ANGPTL3: variants seen among roughly 807,000 people sequenced by gnomAD.
ANGPTL3 encodes angiopoietin like 3.
ANGPTL3 carries 51 observed loss-of-function variants against 52.7 expected under a neutral mutation model. The ratio of observed to expected loss-of-function variants is 0.97; its 90% CI spans 0.77 to 1.22. ANGPTL3 has a LOEUF of 1.22. Ranked by LOEUF, ANGPTL3 falls within the 50% of genes most tolerant of loss-of-function variation. The pLI, the probability that ANGPTL3 is intolerant of heterozygous loss-of-function variation, is 0.00. For synonymous variants in ANGPTL3, 185 were observed against 179.8 expected (o/e 1.03, Z -0.23); for missense variants, 506 against 520.7 (o/e 0.97, Z 0.27).
chr1:62,602,512 T>G, intron 5 of ANGPTL3, 132 bp downstream of exon 5: 1 of 744,984 alleles, frequency 1.3e-6, no homozygotes, highest in East Asian at 2.6e-5. Context: ...TAATTTATTA[T>G]CAAACAATTA....
In ANGPTL3 at chr1:62,601,195, T is replaced by C. The variant is rs1459849867; in HGVS notation, c.720T>C (p.Asp240=). Residue 240 remains aspartate, a splice_region_variant and synonymous_variant, in exon 3 of 7, where the codon GAT becomes GAC. Transcript: ENST00000371129. The stretch of plus-strand genomic sequence containing the variant: ...ATGAAATAAGAAATGTAAAACATGA[T>C]GGTAAGACACTTTGGTGGGTTTCCT... ...QLNEIRNVKH[D]GIPAECTTIY... 1 of 1,581,640 alleles carries C rather than the reference T, an allele frequency of 6.3e-7. No individual in the cohort carries two copies. Among genetic ancestry groups the C allele is most frequent in the Non-Finnish European group, 8.7e-7 (1 of 1,151,434 alleles).
At chr1:62,600,292 A>G (rs1050606908) in intron 2 of ANGPTL3, among the ~76,000 whole-genome samples, 28 of 151,960 alleles carry the variant, frequency 1.8e-4, no homozygotes, top group African/African-American at 6.7e-4. Flanking sequence ...TAAATTAAAA[A>G]AACAAAACTC....
In ANGPTL3 at chr1:62,600,855, T is replaced by C. The variant is rs184325821; in HGVS notation, c.607-227T>C. Among the ~76,000 whole-genome samples the C allele has an allele frequency of 1.8e-4, 28 of 151,952 alleles. No homozygotes were observed. In the East Asian group the frequency reaches 5.0e-3, roughly 27 times the overall value. The stretch of plus-strand genomic sequence containing the variant: ...GCTCTGTTTTCCGACCAATGTCTGC[T>C]TTTTTGCCTTGCTTTATTTTTTTAT... On this transcript the variant is annotated intron_variant, in intron 2 of 6. Coordinates refer to ENST00000371129, the MANE Select transcript of ANGPTL3 (RefSeq NM_014495.4).
At chr1:62,599,058 A>G (rs533319690) in intron 2 of ANGPTL3, among the ~76,000 whole-genome samples, 1 of 152,202 alleles carries the variant, frequency 6.6e-6, no homozygotes, top group South Asian at 2.1e-4. Context: ...CAAAGATAAT[A>G]ACAGAACTTA....
chr1:62,598,877 T>C, intron 2 of ANGPTL3, 71 bp downstream of exon 2: 2 of 910,918 alleles, frequency 2.2e-6, no homozygotes, highest in South Asian at 1.4e-5. Flanking sequence ...CCTAAAATTA[T>C]TTACAAGCTT....
rs1451076793 is a variant in ANGPTL3, at chr1:62,605,558, T to C, written c.*741T>C. The C allele has an allele frequency of 2.0e-5, 3 of 152,432 alleles. No individual in the cohort carries two copies. The Admixed American group carries it at 2.0e-4, about 10-fold the overall frequency. The allele number at this position is 152,432 out of a possible 1,614,324, so 9.4% of individuals were successfully genotyped here. On this transcript the variant is annotated 3_prime_UTR_variant, in exon 7 of 7. Transcript: ENST00000371129. ...TTTTATATATTTTAACACTTAATACTATGAAAACAAATAATTGTAAAGGAA... is the reference window on the plus strand; with the variant it reads ...TTTTATATATTTTAACACTTAATACCATGAAAACAAATAATTGTAAAGGAA...
Position 62,597,683 on chromosome 1 carries a change from G to A in ANGPTL3, c.117G>A (p.Met39Ile), listed in dbSNP as rs1235689920. 6.2e-7 allele frequency: 1 copy of A among 1,613,530 alleles called. No individual in the cohort carries two copies. The highest frequency in any genetic ancestry group is 1.1e-5 in the South Asian group (1 of 91,058). ...LSPEPKSRFA[M>I]LDDVKILANG... The stretch of plus-strand genomic sequence containing the variant: ...CAGAGCCAAAATCAAGATTTGCTAT[G>A]TTAGACGATGTAAAAATTTTAGCCA... The change falls in exon 1 of 7, where the codon ATG becomes ATA. Residue 39 changes from methionine (M) to isoleucine (I), a missense_variant. Transcript: ENST00000371129.
chr1:62,597,849 GAAGA>G lies in ANGPTL3; in HGVS notation c.286_289del (p.Glu96ArgfsTer3). 6.2e-7 allele frequency: 1 copy of G among 1,603,830 alleles called. No homozygotes were observed. On this transcript the variant is annotated frameshift_variant, in exon 1 of 7. Transcript: ENST00000371129. LOFTEE classifies it high-confidence loss of function. Reference sequence around the variant, plus strand: ...GCTGCAAACCAGTGAAATCAAAGAAGAAGAAAAGGAACTGAGAAGAACTACATAT... The same window carrying G: ...GCTGCAAACCAGTGAAATCAAAGAAGAAAGGAACTGAGAAGAACTACATAT...
Position 62,604,021 on chromosome 1 carries a change from T to C in ANGPTL3, c.984T>C (p.Asn328=), listed in dbSNP as rs1650553683. 1.9e-6 allele frequency: 3 copies of C among 1,613,084 alleles called. No individual in the cohort carries two copies. The East Asian group carries it at 6.7e-5, about 36-fold the overall frequency. ...EKIYSIVKQS[N]YVLRIELEDW... Reference sequence around the variant, plus strand: ...TATACTCCATAGTGAAGCAATCTAATTATGTTTTACGAATTGAGTTGGAAG... The same window carrying C: ...TATACTCCATAGTGAAGCAATCTAACTATGTTTTACGAATTGAGTTGGAAG... Residue 328 remains asparagine (N), a synonymous_variant, in exon 6 of 7, where the codon AAT becomes AAC. Coordinates refer to ENST00000371129, the MANE Select transcript of ANGPTL3 (RefSeq NM_014495.4).
chr1:62,602,562 A>G (rs1308319314), intron 5 of ANGPTL3, among the ~76,000 whole-genome samples, 182 bp downstream of exon 5: 1 of 151,800 alleles, frequency 6.6e-6, no homozygotes. Flanking sequence ...AACTGTTATT[A>G]TTTGAATTAT....
chr1:62,598,766 T>C lies in ANGPTL3; in HGVS notation c.566T>C (p.Leu189Ser). 1 of 1,610,026 alleles carries C rather than the reference T, an allele frequency of 6.2e-7. No homozygotes were observed. Residue 189 changes from leucine to serine, a missense_variant, in exon 2 of 7, where the codon TTA (leucine) becomes TCA (serine). Coordinates refer to ENST00000371129, the MANE Select transcript of ANGPTL3 (RefSeq NM_014495.4). ...ACCGTGGAAGACCAATATAAACAATTAAACCAACAGCATAGTCAAATAAAA... is the reference window on the plus strand; with the variant it reads ...ACCGTGGAAGACCAATATAAACAATCAAACCAACAGCATAGTCAAATAAAA... Reference protein sequence around the residue: ...LQTVEDQYKQLNQQHSQIKEI... With the variant: ...LQTVEDQYKQSNQQHSQIKEI...
chr1:62,603,370 ATT>A (rs1476938706), intron 5 of ANGPTL3, among the ~76,000 whole-genome samples: 2 of 151,818 alleles, frequency 1.3e-5, no homozygotes, highest in Non-Finnish European at 3.0e-5. Context: ...ATCTATTTAT[ATT>A]TGTTATTTGT....
Position 62,601,872 on chromosome 1 carries a change from T to C in ANGPTL3, c.825T>C (p.Asp275=), listed in dbSNP as rs1650174208. Residue 275 remains aspartate, a synonymous_variant, in exon 4 of 7, where the codon GAT becomes GAC. Coordinates refer to ENST00000371129, the MANE Select transcript of ANGPTL3 (RefSeq NM_014495.4). ...CTCAAGTTTTTCATGTCTACTGTGA[T>C]GTTATATCAGGTAAAACCTGTCTAA... ...SNSQVFHVYC[D]VISGSPWTLI... is the part of the protein sequence containing the mutation. 1 of 1,605,258 alleles carries C rather than the reference T, an allele frequency of 6.2e-7. No individual in the cohort carries two copies. The highest frequency in any genetic ancestry group is 8.5e-7 in the Non-Finnish European group (1 of 1,172,990).
rs1236618847 is a variant in ANGPTL3 at position 62,604,215 on chromosome 1, A to C, written c.1178A>C (p.Asn393Thr). The change falls in exon 6 of 7, where the codon AAC (asparagine) becomes ACC (threonine). Residue 393 changes from asparagine (N) to threonine (T), a missense_variant. Physicochemically the swap from Asn to Thr is moderately conservative, Grantham distance 65. Transcript: ENST00000371129. ...GATCACAAAGCAAAAGGACACTTCA[A>C]CTGTCCAGAGGGTTATTCAGGTATC... is the stretch of plus-strand genomic sequence containing the variant. ...TWDHKAKGHF[N>T]CPEGYSGGWW... 5 of 1,613,280 alleles carry C rather than the reference A, an allele frequency of 3.1e-6. No individual in the cohort carries two copies. Among genetic ancestry groups the C allele is most frequent in the Non-Finnish European group, 4.2e-6 (5 of 1,179,364 alleles).
In ANGPTL3 at chr1:62,604,565, G is replaced by A. The variant is rs576720480; in HGVS notation, c.1199-68G>A. ...TTATAAGAAAGGAAGATAAACTTAC[G>A]GGGAAATACAGTAACAGTAACTACA... On this transcript the variant is annotated intron_variant, in intron 6 of 6. Coordinates refer to ENST00000371129, the MANE Select transcript of ANGPTL3 (RefSeq NM_014495.4). 48 of 1,478,806 alleles carry A rather than the reference G, an allele frequency of 3.2e-5. No homozygotes were observed. In the South Asian group the frequency reaches 4.5e-4, roughly 14 times the overall value. 91.6% of individuals were successfully genotyped at this position (1,478,806 alleles called of 1,614,324 possible).
rs1650684340 is a variant in ANGPTL3 at position 62,604,617 on chromosome 1, T to C, written c.1199-16T>C. 1.9e-6 allele frequency: 3 copies of C among 1,612,074 alleles called. No homozygotes were observed. The highest frequency in any genetic ancestry group is 1.3e-5 in the African/African-American group (1 of 74,958). ...ACGAGTCTGTACCCATTAAATTGCA[T>C]ATCTATCTCCTTTAGGAGGCTGGTG... is the stretch of plus-strand genomic sequence containing the variant. On this transcript the variant is annotated splice_polypyrimidine_tract_variant and intron_variant, in intron 6 of 6. Transcript: ENST00000371129.
intron 6 of ANGPTL3, 187 bp from the exon 7 acceptor site, chr1:62,604,445 TG>T: frequency 1.1e-6 from 1 of 884,378 alleles, no homozygotes; most frequent in Non-Finnish European, 1.7e-6. Context: ...TTCTATTTTT[TG>T]GTAGTGTATA....
chr1:62,604,129 G>C lies in ANGPTL3; in HGVS notation c.1092G>C (p.Ala364=), dbSNP rs148698903. Residue 364 remains alanine, a synonymous_variant, in exon 6 of 7, where the codon GCG becomes GCC. Coordinates refer to ENST00000371129, the MANE Select transcript of ANGPTL3 (RefSeq NM_014495.4). ...HETNYTLHLV[A]ITGNVPNAIP... is the part of the protein sequence containing the mutation. ...CCAACTATACGCTACATCTAGTTGC[G>C]ATTACTGGCAATGTCCCCAATGCAA... The C allele has an allele frequency of 2.5e-6, 4 of 1,613,150 alleles. No individual in the cohort carries two copies. The African/African-American group carries it at 5.3e-5, about 22-fold the overall frequency.
In ANGPTL3 at chr1:62,604,656, T is replaced by C. The variant is rs530265297; in HGVS notation, c.1222T>C (p.Cys408Arg). 35 of 1,612,962 alleles carry C rather than the reference T, an allele frequency of 2.2e-5. No individual in the cohort carries two copies. The South Asian group carries it at 3.2e-4, about 15-fold the overall frequency. Residue 408 changes from cysteine to arginine, a missense_variant, in exon 7 of 7, where the codon TGT becomes CGT. Transcript: ENST00000371129. ...AGGAGGCTGGTGGTGGCATGATGAG[T>C]GTGGAGAAAACAACCTAAATGGTAA... ...YSGGWWWHDECGENNLNGKYN... is the reference protein window; with the variant it reads ...YSGGWWWHDERGENNLNGKYN...
Sources: gnomAD v4.1 joint callset for allele counts (sites outside exome capture counted in the v4.1 genomes callset) on GRCh38, gnomAD v4.1.1 for gene constraint, MANE v1.5 for transcripts, NCBI Gene and HGNC (gene_info 2026-07-23, HGNC 2026-07-21) for gene names.